The following EEF1AKMT4 variants were observed in gnomAD, a reference collection of about 807,000 sequenced individuals.
The protein encoded by EEF1AKMT4 is eukaryotic translation elongation factor 1 alpha lysine specific methyltransferase 4.
EEF1AKMT4 carries 17 observed loss-of-function variants against 23.0 expected under a neutral mutation model. The ratio of observed to expected loss-of-function variants is 0.74; its 90% CI spans 0.51 to 1.11. The LOEUF (loss-of-function observed/expected upper bound fraction) is 1.11. Among genes scored for constraint, EEF1AKMT4 ranks in the 50% least tolerant of loss-of-function variants. EEF1AKMT4 has a pLI of 0.00. For missense variants in EEF1AKMT4, 318 were observed against 333.4 expected, an observed-to-expected ratio of 0.95 and a Z score of 0.36; for synonymous variants, 140 against 141.4, an observed-to-expected ratio of 0.99 and a Z score of 0.07.
In EEF1AKMT4 at chr3:184,257,577, C is replaced by T. The variant is rs7633387; in HGVS notation, c.301C>T (p.His101Tyr). Residue 101 changes from histidine to tyrosine, a missense_variant, in exon 2 of 3, where the codon CAT becomes TAT. Physicochemically the swap from His to Tyr is moderately conservative, Grantham distance 83. Transcript: ENST00000324557. Reference sequence around the variant, plus strand: ...CGTGGTGGCTGCCATGCAGGCTCGCCATGCCCATGTGCCGCAGCTGCGCTG... The same window carrying T: ...CGTGGTGGCTGCCATGCAGGCTCGCTATGCCCATGTGCCGCAGCTGCGCTG... Reference protein sequence around the residue: ...SVVVAAMQARHAHVPQLRWET... With the variant: ...SVVVAAMQARYAHVPQLRWET... 0.97 allele frequency: 1,569,736 copies of T among 1,614,178 alleles called. 763,379 individuals carry two copies. Among genetic ancestry groups the T allele is most frequent in the East Asian group, 1 (44,883 of 44,888 alleles).
At chr3:184,253,214 C>T (rs745833718) in intron 1 of EEF1AKMT4, among the ~76,000 whole-genome samples, 1 of 152,092 alleles carries the variant, frequency 6.6e-6, no homozygotes, top group Non-Finnish European at 1.5e-5. Context: ...TGAAGAGTCA[C>T]AGATGTACAC....
In EEF1AKMT4 at chr3:184,258,374, C is replaced by CTAT; in HGVS notation, c.571_573dup (p.Tyr191dup). 1 of 1,613,940 alleles carries CTAT rather than the reference C, an allele frequency of 6.2e-7. No individual in the cohort carries two copies. Among genetic ancestry groups the CTAT allele is most frequent in the Non-Finnish European group, 8.5e-7 (1 of 1,179,898 alleles). ...TTCGGACCAGACACTATGCCCAAGC[C>CTAT]TATTATGGCTGGTCCCTGAGGCATG... On this transcript the variant is annotated inframe_insertion, in exon 3 of 3. Transcript: ENST00000324557.
At position 184,257,590 on chromosome 3, in the gene EEF1AKMT4, C is replaced by G. The variant is rs368519206; in HGVS notation, c.314C>G (p.Pro105Arg). 1 of 1,614,168 alleles carries G rather than the reference C, an allele frequency of 6.2e-7. No homozygotes were observed. Among genetic ancestry groups the G allele is most frequent in the Non-Finnish European group, 8.5e-7 (1 of 1,180,048 alleles). Residue 105 changes from proline (P) to arginine (R), a missense_variant, in exon 2 of 3, where the codon CCG becomes CGG. By Grantham distance (103) the Pro-to-Arg change is moderately radical. Coordinates refer to ENST00000324557, the MANE Select transcript of EEF1AKMT4 (RefSeq NM_032331.4). Reference protein sequence around the residue: ...AAMQARHAHVPQLRWETMDVR... With the variant: ...AAMQARHAHVRQLRWETMDVR... Reference sequence around the variant, plus strand: ...ATGCAGGCTCGCCATGCCCATGTGCCGCAGCTGCGCTGGGAGACCATGGAT... The same window carrying G: ...ATGCAGGCTCGCCATGCCCATGTGCGGCAGCTGCGCTGGGAGACCATGGAT...
chr3:184,258,188 T>C, intron 2 of EEF1AKMT4, 100 bp from the exon 3 acceptor site: 2 of 1,102,856 alleles, frequency 1.8e-6, no homozygotes, highest in Non-Finnish European at 2.6e-6. Flanking sequence ...AGATGTGGGG[T>C]GGTTCCTGAG....
intron 1 of EEF1AKMT4, among the ~76,000 whole-genome samples, chr3:184,251,396 G>A (rs1022150251): frequency 6.6e-6 from 1 of 152,162 alleles, no homozygotes; most frequent in Admixed American, 6.5e-5. Flanking sequence ...AGCCAGGTGT[G>A]GTGGCACGTG....
intron 1 of EEF1AKMT4, among the ~76,000 whole-genome samples, chr3:184,254,920 A>T (rs1719730939): frequency 6.6e-6 from 1 of 152,138 alleles, no homozygotes; most frequent in South Asian, 2.1e-4. Flanking sequence ...CCAAGGCTCT[A>T]CTTCCCTCAG....
At chr3:184,256,622 C>T (rs1028747000) in intron 1 of EEF1AKMT4, among the ~76,000 whole-genome samples, 1 of 151,950 alleles carries the variant, frequency 6.6e-6, no homozygotes, top group Non-Finnish European at 1.5e-5. Context: ...AATCTCTGAA[C>T]TCCTAACTTT....
At chr3:184,254,887 A>G (rs1719729698) in intron 1 of EEF1AKMT4, among the ~76,000 whole-genome samples, 1 of 152,150 alleles carries the variant, frequency 6.6e-6, no homozygotes, top group Admixed American at 6.5e-5. Flanking sequence ...CATGTGATGT[A>G]TTCTTGGATA....
intron 1 of EEF1AKMT4, among the ~76,000 whole-genome samples, chr3:184,254,197 A>G (rs1719688216): frequency 6.6e-6 from 1 of 152,142 alleles, no homozygotes. Flanking sequence ...ATGAATGTAT[A>G]TGGATGGCTG....
At chr3:184,254,404 C>A (rs899079932) in intron 1 of EEF1AKMT4, among the ~76,000 whole-genome samples, 1 of 151,932 alleles carries the variant, frequency 6.6e-6, no homozygotes, top group African/African-American at 2.4e-5. Flanking sequence ...TGATCATAAT[C>A]AAAAATTAAT....
At chr3:184,258,166 A>G (rs888370119) in intron 2 of EEF1AKMT4, 122 bp from the exon 3 acceptor site, 5 of 942,392 alleles carry the variant, frequency 5.3e-6, no homozygotes, top group Non-Finnish European at 8.0e-6. Flanking sequence ...TGCCATGGAA[A>G]GCCTGAGCTA....
chr3:184,258,732 A>G lies in EEF1AKMT4; in HGVS notation c.*157A>G. On this transcript the variant is annotated 3_prime_UTR_variant, in exon 3 of 3. Coordinates refer to ENST00000324557, the MANE Select transcript of EEF1AKMT4 (RefSeq NM_032331.4). Reference sequence around the variant, plus strand: ...GGTGGGAGCGAACCCACATGAACCAATACAGCCCAGCTCCAACTAGATCCA... The same window carrying G: ...GGTGGGAGCGAACCCACATGAACCAGTACAGCCCAGCTCCAACTAGATCCA... 2 of 1,369,024 alleles carry G rather than the reference A, an allele frequency of 1.5e-6. No homozygotes were observed. Among genetic ancestry groups the G allele is most frequent in the South Asian group, 1.9e-5 (1 of 52,040 alleles). The allele number at this position is 1,369,024 out of a possible 1,614,324, so 84.8% of individuals were successfully genotyped here. A position where few individuals can be genotyped will look rare whatever the true frequency, so the allele number is the denominator to read the frequency against.
chr3:184,255,531 T>A (rs758375942), intron 1 of EEF1AKMT4, among the ~76,000 whole-genome samples: 1 of 152,128 alleles, frequency 6.6e-6, no homozygotes, highest in Non-Finnish European at 1.5e-5. Flanking sequence ...GAGCTGAAGA[T>A]CCCCAGTGGG....
chr3:184,258,103 A>G (rs1010955905), intron 2 of EEF1AKMT4, among the ~76,000 whole-genome samples, 185 bp from the exon 3 acceptor site: 1 of 152,114 alleles, frequency 6.6e-6, no homozygotes, highest in African/African-American at 2.4e-5. Context: ...CCTGAATAGA[A>G]TATAGCCCTA....
chr3:184,252,946 C>CAAA (rs563455729), intron 1 of EEF1AKMT4, among the ~76,000 whole-genome samples: 13 of 45,352 alleles, frequency 2.9e-4, no homozygotes, highest in Non-Finnish European at 3.8e-4. Context: ...AACTCCATCT[C>CAAA]AAAAAAAAAA....
rs763705935 is a variant in EEF1AKMT4 at position 184,249,702 on chromosome 3, C to T, written c.8C>T (p.Ser3Phe). The stretch of plus-strand genomic sequence containing the variant: ...TGCCCGGCGGTTGAGAGCATGGCCT[C>T]TCCAGGGGCAGGTAGGGCGCCTCCG... MA[S>F]PGAGRAPPEL... Residue 3 changes from serine to phenylalanine, a missense_variant, in exon 1 of 3, where the codon TCT becomes TTT. Coordinates refer to ENST00000324557, the MANE Select transcript of EEF1AKMT4 (RefSeq NM_032331.4). The T allele has an allele frequency of 4.4e-6, 7 of 1,606,068 alleles. No homozygotes were observed. The South Asian group carries it at 5.5e-5, about 13-fold the overall frequency.
intron 1 of EEF1AKMT4, among the ~76,000 whole-genome samples, chr3:184,251,642 C>T (rs530853158): frequency 3.9e-4 from 60 of 152,314 alleles, no homozygotes; most frequent in Non-Finnish European, 6.0e-4. Context: ...ATCCAGGCTG[C>T]AGTGAGCTGT....
chr3:184,256,085 G>GAC (rs201474955), intron 1 of EEF1AKMT4, among the ~76,000 whole-genome samples: 2,262 of 152,152 alleles, frequency 0.015, 27 homozygotes, highest in Non-Finnish European at 0.022. Flanking sequence ...GGACCAGCCT[G>GAC]ACCAACATGA....
intron 1 of EEF1AKMT4, among the ~76,000 whole-genome samples, chr3:184,251,738 C>A (rs1050054967): frequency 2.0e-5 from 3 of 152,096 alleles, no homozygotes; most frequent in African/African-American, 7.2e-5. Context: ...AAACAAAAAA[C>A]CACCTTGGAC....
Sources: gnomAD v4.1 joint callset for allele counts (sites outside exome capture counted in the v4.1 genomes callset) on GRCh38, gnomAD v4.1.1 for gene constraint, MANE v1.5 for transcripts, NCBI Gene and HGNC (gene_info 2026-07-23, HGNC 2026-07-21) for gene names.